MYO18B: variants seen among roughly 807,000 people sequenced by gnomAD.
The protein encoded by MYO18B is unconventional myosin-XVIIIb.
Under a neutral mutation model 273.0 loss-of-function variants are expected in MYO18B, and 204 were observed. The ratio of observed to expected loss-of-function variants is 0.75; its 90% CI spans 0.67 to 0.84. The LOEUF is 0.84. Among genes scored for constraint, MYO18B ranks in the 40% least tolerant of loss-of-function variants. The pLI is 0.00. For missense variants in MYO18B, 3,212 were observed against 3,287.6 expected (o/e 0.98, Z 0.56); for synonymous variants, 1,330 against 1,305.7 (o/e 1.02, Z -0.40).
chr22:25,797,712 C>G (rs142002946), intron 11 of MYO18B, among the ~76,000 whole-genome samples: 209 of 152,270 alleles, frequency 1.4e-3, no homozygotes, highest in Non-Finnish European at 2.4e-3. Flanking sequence ...ATCTGTAATG[C>G]GTGCACACAT....
chr22:25,769,446 C>G lies in MYO18B; in HGVS notation c.1512+18C>G, dbSNP rs1172632285. ...CAGACCAGGTGAGGGGGCTGCGGCC[C>G]TGGGAGCGGGAAGCGGCAGACAGGC... On this transcript the variant is annotated intron_variant, in intron 4 of 43. Transcript: ENST00000335473. The G allele has an allele frequency of 3.3e-6, 5 of 1,496,644 alleles. No homozygotes were observed. The East Asian group carries it at 9.9e-5, about 29-fold the overall frequency. The allele number at this position is 1,496,644 out of a possible 1,614,324, so 92.7% of individuals were successfully genotyped here. A position where few individuals can be genotyped will look rare whatever the true frequency, so the allele number is the denominator to read the frequency against.
In MYO18B at chr22:25,931,974, C is replaced by T. The variant is rs9624929; in HGVS notation, c.5517+10565C>T. Among the ~76,000 whole-genome samples the T allele has an allele frequency of 4.4e-3, 670 of 151,962 alleles. 4 individuals carry two copies. Among genetic ancestry groups the T allele is most frequent in the African/African-American group, 0.015 (630 of 41,416 alleles). On this transcript the variant is annotated intron_variant, in intron 34 of 43. Coordinates refer to ENST00000335473, the MANE Select transcript of MYO18B (RefSeq NM_032608.7). ...CTGGTCTGAAACTCCTGGGCTCAAGCGATCCTCCAGCCTCAACCTCCCAAA... is the reference window on the plus strand; with the variant it reads ...CTGGTCTGAAACTCCTGGGCTCAAGTGATCCTCCAGCCTCAACCTCCCAAA...
At chr22:25,861,533 T>C (rs1278288688) in intron 21 of MYO18B, among the ~76,000 whole-genome samples, 1 of 152,224 alleles carries the variant, frequency 6.6e-6, no homozygotes, top group Admixed American at 6.5e-5. Context: ...CCTTCCAACC[T>C]ATCTTTGTAT....
chr22:25,849,644 GT>G (rs1376924496), intron 20 of MYO18B, among the ~76,000 whole-genome samples: 3 of 152,160 alleles, frequency 2.0e-5, no homozygotes, highest in African/African-American at 7.2e-5. Flanking sequence ...GTGCAGCCTG[GT>G]AGGCACAGCT....
At chr22:25,804,094 C>T (rs2088351466) in intron 12 of MYO18B, among the ~76,000 whole-genome samples, 1 of 152,130 alleles carries the variant, frequency 6.6e-6, no homozygotes, top group Admixed American at 6.6e-5. Flanking sequence ...CCAACACTGG[C>T]AGGTAGCTAC....
At chr22:25,784,649 C>T (rs1267887138) in intron 10 of MYO18B, among the ~76,000 whole-genome samples, 3 of 152,168 alleles carry the variant, frequency 2.0e-5, no homozygotes, top group Non-Finnish European at 2.9e-5. Context: ...TTTGAACCAA[C>T]GTGGGATTGG....
At chr22:25,924,027 C>A (rs1224751790) in intron 34 of MYO18B, among the ~76,000 whole-genome samples, 1 of 152,176 alleles carries the variant, frequency 6.6e-6, no homozygotes. Context: ...CATCCGGCTC[C>A]TATCAAAGGA....
intron 11 of MYO18B, among the ~76,000 whole-genome samples, chr22:25,794,106 T>C (rs1329375247): frequency 1.3e-5 from 2 of 152,148 alleles, no homozygotes; most frequent in Non-Finnish European, 2.9e-5. Flanking sequence ...GCTAATTTTT[T>C]GTATTTTTGG....
At chr22:25,832,373 C>T (rs117783151) in intron 15 of MYO18B, among the ~76,000 whole-genome samples, 340 of 152,008 alleles carry the variant, frequency 2.2e-3, no homozygotes, top group Non-Finnish European at 3.4e-3. Context: ...AATTGACAGG[C>T]GATGGACAAG....
downstream of MYO18B, among the ~76,000 whole-genome samples, chr22:26,035,561 C>T (rs552918331): frequency 1.3e-5 from 2 of 152,166 alleles, no homozygotes; most frequent in Non-Finnish European, 2.9e-5. Flanking sequence ...GCCACTGAGC[C>T]GTAAGCAATG....
chr22:26,052,404 A>G, the MYO18B span, among the ~76,000 whole-genome samples: 7 of 152,184 alleles, frequency 4.6e-5, no homozygotes, highest in African/African-American at 1.7e-4. Flanking sequence ...TGTTTGTGTC[A>G]TTTTATAGGT....
chr22:25,878,603 A>G (rs2091262129), intron 25 of MYO18B, among the ~76,000 whole-genome samples: 1 of 152,248 alleles, frequency 6.6e-6, no homozygotes, highest in Non-Finnish European at 1.5e-5. Context: ...TAAGTGTTCA[A>G]AAATTCAAAT....
At chr22:25,830,012 C>T (rs533909290) in intron 15 of MYO18B, among the ~76,000 whole-genome samples, 21 of 152,248 alleles carry the variant, frequency 1.4e-4, no homozygotes, top group Admixed American at 1.2e-3. Flanking sequence ...CCACCTTCTT[C>T]CCTGAAGGTG....
chr22:26,033,506 G>A (rs1359256179), downstream of MYO18B, among the ~76,000 whole-genome samples: 1 of 152,174 alleles, frequency 6.6e-6, no homozygotes, highest in African/African-American at 2.4e-5. Context: ...CTTCAATGAT[G>A]TGTAAGGGAT....
chr22:25,902,674 A>C lies in MYO18B; in HGVS notation c.4885A>C (p.Lys1629Gln). The change falls in exon 30 of 44, where the codon AAA (lysine) becomes CAA (glutamine). Residue 1629 changes from lysine (K) to glutamine (Q), a missense_variant. Transcript: ENST00000335473. Reference sequence around the variant, plus strand: ...AGTGTTTGAGAAGGGTCTCCGTGAGAAAGTGACCCAGGAGAACACCAGTGT... The same window carrying C: ...AGTGTTTGAGAAGGGTCTCCGTGAGCAAGTGACCCAGGAGAACACCAGTGT... ...ESVFEKGLREKVTQENTSVRW... is the reference protein window; with the variant it reads ...ESVFEKGLREQVTQENTSVRW... The C allele has an allele frequency of 6.3e-7, 1 of 1,599,066 alleles. No homozygotes were observed. The highest frequency in any genetic ancestry group is 8.5e-7 in the Non-Finnish European group (1 of 1,172,504).
intron 21 of MYO18B, among the ~76,000 whole-genome samples, chr22:25,863,094 G>A (rs1169488262): frequency 6.6e-6 from 1 of 152,070 alleles, no homozygotes; most frequent in African/African-American, 2.4e-5. Flanking sequence ...CAGATCTGTT[G>A]TTGAGTCCCT....
At chr22:25,849,240 C>T (rs760761272) in intron 20 of MYO18B, among the ~76,000 whole-genome samples, 3 of 152,180 alleles carry the variant, frequency 2.0e-5, no homozygotes, top group East Asian at 1.9e-4. Flanking sequence ...CGTGACCTCA[C>T]GACACCATCT....
downstream of MYO18B, among the ~76,000 whole-genome samples, chr22:26,033,532 A>G (rs1322878546): frequency 6.6e-6 from 1 of 152,218 alleles, no homozygotes; most frequent in Non-Finnish European, 1.5e-5. Context: ...CAAAAAGGTT[A>G]ATTTCAAGTA....
At chr22:25,763,160 A>G (rs534683145) in intron 2 of MYO18B, 71 bp from the exon 3 acceptor site, 1 of 1,444,088 alleles carries the variant, frequency 6.9e-7, no homozygotes, top group East Asian at 2.3e-5. Flanking sequence ...CTCCATCACA[A>G]ACTTTGAAGG....
Sources: gnomAD v4.1 joint callset for allele counts (sites outside exome capture counted in the v4.1 genomes callset) on GRCh38, gnomAD v4.1.1 for gene constraint, MANE v1.5 for transcripts, NCBI Gene and HGNC (gene_info 2026-07-23, HGNC 2026-07-21) for gene names.